Variants in FAM227B observed in about 807,000 individuals in gnomAD.
The protein encoded by FAM227B is family with sequence similarity 227 member B.
In FAM227B, 88 loss-of-function variants were observed where a neutral mutation model predicts 73.8. The ratio of observed to expected loss-of-function variants is 1.19; its 90% CI spans 1.00 to 1.42. The LOEUF (loss-of-function observed/expected upper bound fraction) is 1.42. Among genes scored for constraint, FAM227B ranks in the 40% most tolerant of loss-of-function variants. The pLI, the probability that FAM227B is intolerant of heterozygous loss-of-function variation, is 0.00. For missense variants in FAM227B, 632 were observed against 590.9 expected (o/e 1.07, Z -0.72); for synonymous variants, 210 against 190.5 (o/e 1.10, Z -0.84).
chr15:49,483,310 T>C (rs2056121038), intron 11 of FAM227B: 5 of 850,118 alleles, frequency 5.9e-6, no homozygotes, highest in Non-Finnish European at 9.8e-6. Flanking sequence ...TGTCAAAATA[T>C]CTCACCTTTC....
chr15:49,367,758 A>G, intron 12 of FAM227B, 150 bp from the exon 13 acceptor site: 1 of 702,410 alleles, frequency 1.4e-6, no homozygotes. Flanking sequence ...AATTAGAGGA[A>G]TTTACCAAAG....
intron 11 of FAM227B, among the ~76,000 whole-genome samples, chr15:49,384,864 T>G (rs1427056518): frequency 1.3e-5 from 2 of 152,064 alleles, no homozygotes; most frequent in Non-Finnish European, 2.9e-5. Context: ...GACAAGATTT[T>G]TAATTGATTG....
At chr15:49,412,216 T>G (rs960641250) in intron 11 of FAM227B, among the ~76,000 whole-genome samples, 2 of 152,134 alleles carry the variant, frequency 1.3e-5, no homozygotes, top group African/African-American at 4.8e-5. Context: ...CTTATTTTGT[T>G]GTTCTTCTGG....
intron 4 of FAM227B, among the ~76,000 whole-genome samples, chr15:49,588,317 T>C (rs2152403481): frequency 6.6e-6 from 1 of 151,418 alleles, no homozygotes; most frequent in Admixed American, 6.6e-5. Flanking sequence ...CCAACTAACA[T>C]GTCTGTGGCA....
At chr15:49,510,468 G>A (rs565345040) in intron 10 of FAM227B, among the ~76,000 whole-genome samples, 1 of 152,026 alleles carries the variant, frequency 6.6e-6, no homozygotes, top group Non-Finnish European at 1.5e-5. Flanking sequence ...GCTCCAAACT[G>A]CTCCCCCCAC....
intron 10 of FAM227B, among the ~76,000 whole-genome samples, chr15:49,533,156 G>C (rs754200263): frequency 8.6e-5 from 13 of 151,366 alleles, no homozygotes; most frequent in Non-Finnish European, 1.6e-4. Context: ...TGACCCAATG[G>C]GTGTTCAGTT....
At chr15:49,492,483 A>C (rs2057206232) in intron 11 of FAM227B, among the ~76,000 whole-genome samples, 1 of 151,822 alleles carries the variant, frequency 6.6e-6, no homozygotes, top group African/African-American at 2.4e-5. Context: ...TTACAGCGTT[A>C]ATTATTAATT....
chr15:49,539,920 T>C (rs145213167), intron 10 of FAM227B, among the ~76,000 whole-genome samples: 2 of 152,200 alleles, frequency 1.3e-5, no homozygotes, highest in South Asian at 2.1e-4. Context: ...TGGACATGCA[T>C]GCTCCTGCAA....
chr15:49,525,792 G>GT (rs2060155919), intron 10 of FAM227B, among the ~76,000 whole-genome samples: 1 of 112,002 alleles, frequency 8.9e-6, no homozygotes, highest in Non-Finnish European at 1.8e-5. Context: ...AACAACAATG[G>GT]TAAAAAAAAA....
chr15:49,437,895 A>G (rs1418995329), intron 11 of FAM227B, among the ~76,000 whole-genome samples: 1 of 151,660 alleles, frequency 6.6e-6, no homozygotes, highest in Admixed American at 6.6e-5. Flanking sequence ...AGGCCAGCTA[A>G]CAGAACCTGG....
chr15:49,549,134 C>A (rs76294161), intron 9 of FAM227B, among the ~76,000 whole-genome samples: 1 of 152,030 alleles, frequency 6.6e-6, no homozygotes, highest in Non-Finnish European at 1.5e-5. Flanking sequence ...GATGTAGGCA[C>A]TTACAGCTAT....
rs1025744906 is a variant in FAM227B, at chr15:49,510,576, C to A, written c.875-2228G>T. On this transcript the variant is annotated intron_variant, in intron 10 of 15. Coordinates refer to ENST00000299338, the MANE Select transcript of FAM227B (RefSeq NM_152647.3). The stretch of plus-strand genomic sequence containing the variant: ...CTCTCCCAAAGCCTGCCAATGTGCT[C>A]GAATCTGAACAAATTTTTTCATTAG... Among the ~76,000 whole-genome samples, 4 of 152,136 alleles carry A rather than the reference C, an allele frequency of 2.6e-5. No individual in the cohort carries two copies. The East Asian group carries it at 7.7e-4, about 29-fold the overall frequency.
chr15:49,401,001 G>T (rs2048098408), intron 11 of FAM227B, among the ~76,000 whole-genome samples: 1 of 152,096 alleles, frequency 6.6e-6, no homozygotes, highest in East Asian at 1.9e-4. Flanking sequence ...TTGACAAATG[G>T]GATCTAATTA....
intron 11 of FAM227B, among the ~76,000 whole-genome samples, chr15:49,389,153 A>G (rs1180406580): frequency 6.6e-6 from 1 of 151,996 alleles, no homozygotes; most frequent in Non-Finnish European, 1.5e-5. Context: ...TATCTACCCA[A>G]AGAAAGAAGT....
rs181591430 is a variant in FAM227B at position 49,497,773 on chromosome 15, C to T, written c.1012+10438G>A. ...CTTTTAATTCCACCATCAAAAACAG[C>T]GGTGTGTGGTAGACATGTAATTCTC... On this transcript the variant is annotated intron_variant, in intron 11 of 15. Coordinates refer to ENST00000299338, the MANE Select transcript of FAM227B (RefSeq NM_152647.3). 4.6e-5 allele frequency among the ~76,000 whole-genome samples: 7 copies of T among 152,294 alleles called. No homozygotes were observed. In the East Asian group the frequency reaches 7.7e-4, roughly 17 times the overall value.
intron 11 of FAM227B, chr15:49,487,923 G>A (rs2152039273): frequency 6.6e-6 from 1 of 152,066 alleles, no homozygotes; most frequent in Middle Eastern, 3.4e-3. Flanking sequence ...ATTTACTTGA[G>A]CGTGAATGAG....
rs575825425 is a variant in FAM227B, at chr15:49,568,571, G to A, written c.646-225C>T. Among the ~76,000 whole-genome samples the A allele has an allele frequency of 7.9e-5, 12 of 152,134 alleles. No homozygotes were observed. In the South Asian group the frequency reaches 2.5e-3, roughly 32 times the overall value. Reference sequence around the variant, plus strand: ...GTCCCGGGTTTCTCATCTGTCAAATGTAGGTAATATATACTTATCTTAAAG... The same window carrying A: ...GTCCCGGGTTTCTCATCTGTCAAATATAGGTAATATATACTTATCTTAAAG... On this transcript the variant is annotated intron_variant, in intron 8 of 15. Coordinates refer to ENST00000299338, the MANE Select transcript of FAM227B (RefSeq NM_152647.3).
chr15:49,520,454 G>T (rs1363321319), intron 10 of FAM227B, among the ~76,000 whole-genome samples: 2 of 152,038 alleles, frequency 1.3e-5, no homozygotes, highest in African/African-American at 4.8e-5. Context: ...TGCTCTCCTG[G>T]TGCCAATTTA....
At chr15:49,461,515 C>G (rs1417191127) in intron 11 of FAM227B, among the ~76,000 whole-genome samples, 2 of 152,188 alleles carry the variant, frequency 1.3e-5, no homozygotes, top group Non-Finnish European at 2.9e-5. Context: ...ATGCTCTATA[C>G]TTCTCCTACT....
Sources: gnomAD v4.1 joint callset for allele counts (sites outside exome capture counted in the v4.1 genomes callset) on GRCh38, gnomAD v4.1.1 for gene constraint, MANE v1.5 for transcripts, NCBI Gene and HGNC (gene_info 2026-07-23, HGNC 2026-07-21) for gene names.